The following CATSPERB variants were observed in gnomAD, a reference collection of about 807,000 sequenced individuals.
CATSPERB encodes catsper channel auxiliary subunit beta, also known as cation channel sperm-associated auxiliary subunit beta.
A neutral mutation model predicts 128.3 loss-of-function variants in CATSPERB; 93 were observed. The ratio of observed to expected loss-of-function variants is 0.72; its 90% CI spans 0.61 to 0.86. The LOEUF is 0.86. Ranked by LOEUF, CATSPERB falls within the 40% of genes least tolerant of loss-of-function variation. The pLI is 0.00. For missense variants in CATSPERB, 1,153 were observed against 1,329.5 expected (o/e 0.87, Z 2.06); for synonymous variants, 381 against 448.8 (o/e 0.85, Z 1.91).
intron 5 of CATSPERB, among the ~76,000 whole-genome samples, chr14:91,714,277 C>CAAAAA (rs35951126): frequency 1.8e-5 from 2 of 111,262 alleles, no homozygotes; most frequent in African/African-American, 7.1e-5. Flanking sequence ...TACAATAAGG[C>CAAAAA]AAAAAAAAAA....
intron 19 of CATSPERB, 33 bp from the exon 20 acceptor site, chr14:91,617,769 T>C: frequency 6.9e-7 from 1 of 1,458,770 alleles, no homozygotes; most frequent in Non-Finnish European, 9.4e-7. Flanking sequence ...TAATATTAGA[T>C]AATGAAAACT....
At chr14:91,708,656 T>C (rs915070213) in intron 5 of CATSPERB, among the ~76,000 whole-genome samples, 3 of 151,964 alleles carry the variant, frequency 2.0e-5, no homozygotes, top group Non-Finnish European at 4.4e-5. Flanking sequence ...TAGAAAAGAA[T>C]TAATATGAAT....
intron 20 of CATSPERB, among the ~76,000 whole-genome samples, chr14:91,615,759 A>G (rs1361656998): frequency 6.6e-6 from 1 of 152,192 alleles, no homozygotes; most frequent in Non-Finnish European, 1.5e-5. Context: ...TTCAGTAAAC[A>G]CTGGTACACA....
At chr14:91,602,332 T>C (rs1328686572) in intron 22 of CATSPERB, among the ~76,000 whole-genome samples, 1 of 152,160 alleles carries the variant, frequency 6.6e-6, no homozygotes, top group Non-Finnish European at 1.5e-5. Context: ...AAAATAAAAT[T>C]ATTTTCAAGT....
intron 14 of CATSPERB, among the ~76,000 whole-genome samples, chr14:91,663,232 T>A (rs1459727640): frequency 6.6e-6 from 1 of 152,226 alleles, no homozygotes; most frequent in East Asian, 1.9e-4. Flanking sequence ...AATGGCTGAC[T>A]TACAGGTGAG....
Position 91,683,786 on chromosome 14 carries a change from C to T in CATSPERB, c.931+91G>A, listed in dbSNP as rs574926819. On this transcript the variant is annotated intron_variant, in intron 11 of 26. Coordinates refer to ENST00000256343, the MANE Select transcript of CATSPERB (RefSeq NM_024764.4). ...TCCCCAGCCTAAAGTTTGGAATGGTCTTAAAAGACCATTCCAAAGGCTGAG... is the reference window on the plus strand; with the variant it reads ...TCCCCAGCCTAAAGTTTGGAATGGTTTTAAAAGACCATTCCAAAGGCTGAG... 20 of 828,746 alleles carry T rather than the reference C, an allele frequency of 2.4e-5. No homozygotes were observed. In the African/African-American group the frequency reaches 3.2e-4, roughly 13 times the overall value. The allele number at this position is 828,746 out of a possible 1,614,324, so 51.3% of individuals were successfully genotyped here.
At chr14:91,597,315 C>G (rs1429489328) in intron 22 of CATSPERB, among the ~76,000 whole-genome samples, 2 of 152,088 alleles carry the variant, frequency 1.3e-5, no homozygotes, top group Non-Finnish European at 2.9e-5. Flanking sequence ...AGTGATAATT[C>G]CAGCATTCCA....
intron 10 of CATSPERB, among the ~76,000 whole-genome samples, chr14:91,685,031 A>G (rs893277726): frequency 4.6e-5 from 7 of 152,044 alleles, no homozygotes; most frequent in African/African-American, 1.4e-4. Flanking sequence ...AGCTTAATAA[A>G]TCCTCCCGCC....
chr14:91,713,253 CT>C (rs1366014179), intron 5 of CATSPERB, among the ~76,000 whole-genome samples: 1 of 150,058 alleles, frequency 6.7e-6, no homozygotes, highest in Non-Finnish European at 1.5e-5. Flanking sequence ...TTGCTGACCC[CT>C]GATCTAAAGA....
At chr14:91,631,350 G>A (rs1240227340) in intron 17 of CATSPERB, among the ~76,000 whole-genome samples, 2 of 152,142 alleles carry the variant, frequency 1.3e-5, no homozygotes, top group East Asian at 3.9e-4. Context: ...TGGACATTAA[G>A]TTATCACTAT....
intron 22 of CATSPERB, chr14:91,604,669 G>T: frequency 1.9e-6 from 3 of 1,612,640 alleles, no homozygotes; most frequent in South Asian, 1.1e-5. Flanking sequence ...AGGAGTGGTT[G>T]CTCCAGGACT....
rs759202695 is a variant in CATSPERB, at chr14:91,693,140, G to A, written c.817C>T (p.Arg273Cys). Residue 273 changes from arginine to cysteine, a missense_variant, in exon 9 of 27, where the codon CGC (arginine) becomes TGC (cysteine). Coordinates refer to ENST00000256343, the MANE Select transcript of CATSPERB (RefSeq NM_024764.4). Reference protein sequence around the residue: ...FVSEDLRYPSRHSLSFSRADF... With the variant: ...FVSEDLRYPSCHSLSFSRADF... ...AATTTACATACCGATAAGCTGTGGC[G>A]TGATGGATAACGAAGATCTTCACTT... 59 of 1,609,982 alleles carry A rather than the reference G, an allele frequency of 3.7e-5. No homozygotes were observed. The Middle Eastern group carries it at 5.1e-4, about 14-fold the overall frequency.
At chr14:91,693,352 G>A in intron 8 of CATSPERB, 32 bp downstream of exon 8, 1 of 1,576,042 alleles carries the variant, frequency 6.3e-7, no homozygotes, top group Non-Finnish European at 8.7e-7. Context: ...TAAGTAAAAT[G>A]CTCAAGATGA....
At chr14:91,639,308 T>A in intron 15 of CATSPERB, 58 bp from the exon 16 acceptor site, 1 of 1,437,558 alleles carries the variant, frequency 7.0e-7, no homozygotes, top group South Asian at 1.2e-5. Context: ...CGAAAAACTT[T>A]AATATCATAC....
At chr14:91,699,409 C>T (rs535791534) in intron 7 of CATSPERB, among the ~76,000 whole-genome samples, 1 of 151,948 alleles carries the variant, frequency 6.6e-6, no homozygotes, top group Non-Finnish European at 1.5e-5. Flanking sequence ...ATCACAACAT[C>T]ATTTTTCACA....
chr14:91,713,015 A>T (rs1413842993), intron 5 of CATSPERB, among the ~76,000 whole-genome samples: 1 of 152,228 alleles, frequency 6.6e-6, no homozygotes, highest in Non-Finnish European at 1.5e-5. Flanking sequence ...TTATTCGAGG[A>T]TCTGCTGTAT....
intron 19 of CATSPERB, among the ~76,000 whole-genome samples, chr14:91,618,351 C>T (rs1412980100): frequency 6.6e-6 from 1 of 152,208 alleles, no homozygotes; most frequent in Non-Finnish European, 1.5e-5. Context: ...AATGCCTTAA[C>T]CATCTGGGAA....
Position 91,636,560 on chromosome 14 carries a change from T to G in CATSPERB, c.1607A>C (p.Glu536Ala). 1 of 1,613,618 alleles carries G rather than the reference T, an allele frequency of 6.2e-7. No individual in the cohort carries two copies. Among genetic ancestry groups the G allele is most frequent in the Non-Finnish European group, 8.5e-7 (1 of 1,179,820 alleles). Residue 536 changes from glutamate (E) to alanine (A), a missense_variant, in exon 17 of 27, where the codon GAG (glutamate) becomes GCG (alanine). By Grantham distance (107) the Glu-to-Ala change is moderately radical (BLOSUM62 -1). Transcript: ENST00000256343. ...LFGQPPDMGFETALAPQHTSL... is the reference protein window; with the variant it reads ...LFGQPPDMGFATALAPQHTSL... ...GGTGTGCTGTGGGGCAAGCGCAGTC[T>G]CAAAGCCCATATCTGGAGGCTGGAA...
At chr14:91,663,504 G>A (rs1212596942) in intron 14 of CATSPERB, among the ~76,000 whole-genome samples, 2 of 151,974 alleles carry the variant, frequency 1.3e-5, no homozygotes. Context: ...AATTAGCTGG[G>A]TGTAGTGGAG....
Sources: allele counts gnomAD v4.1 joint callset (sites outside exome capture counted in the v4.1 genomes callset), GRCh38; gene constraint gnomAD v4.1.1; transcripts MANE v1.5; gene names NCBI Gene and HGNC (gene_info 2026-07-23, HGNC 2026-07-21).